The following HEMK2 variants were observed in gnomAD, a reference collection of about 807,000 sequenced individuals.
The protein encoded by HEMK2 is HemK methyltransferase 2, ETF1 glutamine and histone H4 lysine, also known as methyltransferase HEMK2.
At chr21:28,876,368 T>A in the HEMK2 span, 2 of 1,518,780 alleles carry the variant, frequency 1.3e-6, no homozygotes, top group Non-Finnish European at 1.8e-6. Context: ...CCAGTAGTTC[T>A]GGGCACACAC....
At chr21:28,824,096 T>C in the HEMK2 span, among the ~76,000 whole-genome samples, 2 of 152,204 alleles carry the variant, frequency 1.3e-5, no homozygotes, top group African/African-American at 4.8e-5. Context: ...TGGCTGCACA[T>C]TTGAATCACC....
At chr21:28,831,475 G>GAA in the HEMK2 span, among the ~76,000 whole-genome samples, 1 of 33,600 alleles carries the variant, frequency 3.0e-5, no homozygotes, top group Non-Finnish European at 5.0e-5. Context: ...AAGAAAGAAA[G>GAA]AAAGAAAGAA....
At chr21:28,593,118 C>A in the HEMK2 span, among the ~76,000 whole-genome samples, 1 of 152,256 alleles carries the variant, frequency 6.6e-6, no homozygotes, top group African/African-American at 2.4e-5. Flanking sequence ...ATTGCTTGAA[C>A]CCGGGAGGTG....
the HEMK2 span, among the ~76,000 whole-genome samples, chr21:28,784,723 A>C: frequency 6.6e-6 from 1 of 152,236 alleles, no homozygotes; most frequent in Non-Finnish European, 1.5e-5. Context: ...AAACACACCA[A>C]TCAGCACCCT....
chr21:28,860,700 T>C, the HEMK2 span, among the ~76,000 whole-genome samples: 1 of 152,080 alleles, frequency 6.6e-6, no homozygotes, highest in Non-Finnish European at 1.5e-5. Flanking sequence ...CAAGAATTGC[T>C]TGAGTTTTCT....
chr21:28,633,981 T>A, the HEMK2 span, among the ~76,000 whole-genome samples: 1 of 152,194 alleles, frequency 6.6e-6, no homozygotes, highest in Non-Finnish European at 1.5e-5. Flanking sequence ...TTATCTAAGA[T>A]AATTCATTCT....
the HEMK2 span, among the ~76,000 whole-genome samples, chr21:28,878,913 T>C: frequency 1.9e-3 from 280 of 148,258 alleles, 3 homozygotes; most frequent in African/African-American, 6.7e-3. Context: ...AAGGAATGCA[T>C]TTATTTATTA....
At chr21:28,609,060 G>A in the HEMK2 span, among the ~76,000 whole-genome samples, 1 of 152,162 alleles carries the variant, frequency 6.6e-6, no homozygotes, top group African/African-American at 2.4e-5. Context: ...TACCACAGCT[G>A]ATGCACTCTT....
chr21:28,587,853 G>A, the HEMK2 span, among the ~76,000 whole-genome samples: 15 of 152,134 alleles, frequency 9.9e-5, no homozygotes, highest in Non-Finnish European at 1.8e-4. Context: ...GTCCCCTAGA[G>A]GTGACTCATT....
the HEMK2 span, among the ~76,000 whole-genome samples, chr21:28,703,550 A>C: frequency 6.6e-6 from 1 of 152,216 alleles, no homozygotes; most frequent in Non-Finnish European, 1.5e-5. Context: ...GTATTATGAA[A>C]TAAGAAGCTC....
chr21:28,766,305 ATT>A, the HEMK2 span, among the ~76,000 whole-genome samples: 1,324 of 148,478 alleles, frequency 8.9e-3, 19 homozygotes, highest in African/African-American at 0.031. Flanking sequence ...AAGTATAATG[ATT>A]TTTTTTTTTT....
At chr21:28,702,013 T>C in the HEMK2 span, among the ~76,000 whole-genome samples, 1 of 152,012 alleles carries the variant, frequency 6.6e-6, no homozygotes. Flanking sequence ...AATTGAGAGC[T>C]GAGAAATAAC....
At chr21:28,636,731 A>T in the HEMK2 span, among the ~76,000 whole-genome samples, 1 of 152,204 alleles carries the variant, frequency 6.6e-6, no homozygotes, top group African/African-American at 2.4e-5. Context: ...CAGTACATGC[A>T]TCTTGCTTCC....
chr21:28,612,351 T>C, the HEMK2 span, among the ~76,000 whole-genome samples: 2 of 151,654 alleles, frequency 1.3e-5, no homozygotes, highest in Non-Finnish European at 2.9e-5. Context: ...TGTCAATAGA[T>C]GCAAAAAAAA....
chr21:28,717,202 T>C, the HEMK2 span, among the ~76,000 whole-genome samples: 4 of 152,152 alleles, frequency 2.6e-5, no homozygotes, highest in African/African-American at 9.7e-5. Flanking sequence ...CCAGCTCTTC[T>C]TTTTATGTCT....
the HEMK2 span, among the ~76,000 whole-genome samples, chr21:28,576,957 C>T: frequency 6.6e-6 from 1 of 152,150 alleles, no homozygotes; most frequent in Non-Finnish European, 1.5e-5. Context: ...GTGATCCACC[C>T]GCCTCAGCTT....
At chr21:28,777,344 A>G in the HEMK2 span, among the ~76,000 whole-genome samples, 1 of 152,200 alleles carries the variant, frequency 6.6e-6, no homozygotes, top group Non-Finnish European at 1.5e-5. Context: ...CCCAGCAAAG[A>G]GAAGGTGAAT....
At chr21:28,765,100 C>G in the HEMK2 span, among the ~76,000 whole-genome samples, 1 of 152,002 alleles carries the variant, frequency 6.6e-6, no homozygotes, top group African/African-American at 2.4e-5. Context: ...AAAGTTTCAC[C>G]CTTATGGCCT....
chr21:28,723,625 T>C, the HEMK2 span, among the ~76,000 whole-genome samples: 1 of 152,154 alleles, frequency 6.6e-6, no homozygotes, highest in Non-Finnish European at 1.5e-5. Context: ...AACTTCAAGT[T>C]TAAGACGTTG....
Sources: gnomAD v4.1 joint callset for allele counts (sites outside exome capture counted in the v4.1 genomes callset) on GRCh38, gnomAD v4.1.1 for gene constraint, MANE v1.5 for transcripts, NCBI Gene and HGNC (gene_info 2026-07-23, HGNC 2026-07-21) for gene names.